Variants in SLC22A25 observed in about 807,000 individuals in gnomAD.
SLC22A25 encodes the protein solute carrier family 22 member 25.
SLC22A25 carries 44 observed loss-of-function variants against 45.9 expected under a neutral mutation model. The observed-to-expected ratio is 0.96, with a 90% CI of 0.75 to 1.23. The LOEUF (loss-of-function observed/expected upper bound fraction) is 1.23, where lower values mean the gene tolerates loss of function less well. Among genes scored for constraint, SLC22A25 ranks in the 50% most tolerant of loss-of-function variants. The pLI, the probability that SLC22A25 is intolerant of heterozygous loss-of-function variation, is 0.00. For synonymous variants in SLC22A25, 283 were observed against 238.6 expected, an observed-to-expected ratio of 1.19 and a Z score of -1.72; for missense variants, 800 against 666.4, an observed-to-expected ratio of 1.20 and a Z score of -2.21.
chr11:63,161,487 C>G lies in SLC22A25; in HGVS notation c.*2337G>C, dbSNP rs1590760874. On this transcript the variant is annotated 3_prime_UTR_variant, in exon 12 of 12. Coordinates refer to ENST00000306494, the MANE Select transcript of SLC22A25 (RefSeq NM_199352.6). The stretch of plus-strand genomic sequence containing the variant: ...TGAATTGTAGCTCCCACAATTCCCA[C>G]ACATCATGGGAGGGATCCAGTGGGA... Among the ~76,000 whole-genome samples the G allele has an allele frequency of 6.6e-6, 1 of 152,138 alleles. No individual in the cohort carries two copies. Among genetic ancestry groups the G allele is most frequent in the African/African-American group, 2.4e-5 (1 of 41,446 alleles).
intron 7 of SLC22A25, among the ~76,000 whole-genome samples, chr11:63,200,728 A>G (rs1001200581): frequency 3.9e-5 from 6 of 152,138 alleles, no homozygotes; most frequent in Admixed American, 3.3e-4. Context: ...ATCCCTGTTC[A>G]TAGATGACAG....
At chr11:63,240,026 C>A (rs1406092624) in intron 1 of SLC22A25, among the ~76,000 whole-genome samples, 1 of 152,056 alleles carries the variant, frequency 6.6e-6, no homozygotes, top group Non-Finnish European at 1.5e-5. Context: ...TTACGCAAAC[C>A]TATATGGTGT....
chr11:63,199,173 A>T (rs975451573), intron 7 of SLC22A25, among the ~76,000 whole-genome samples: 2 of 152,078 alleles, frequency 1.3e-5, no homozygotes, highest in African/African-American at 4.8e-5. Context: ...AATAAAGAAG[A>T]AAAGAGAGAA....
intron 1 of SLC22A25, among the ~76,000 whole-genome samples, chr11:63,241,242 G>A (rs1004347743): frequency 6.6e-6 from 1 of 152,206 alleles, no homozygotes; most frequent in African/African-American, 2.4e-5. Context: ...ATTCCATGGG[G>A]AGATGTGAAC....
chr11:63,213,707 G>A (rs547568765), intron 7 of SLC22A25, among the ~76,000 whole-genome samples: 5 of 152,176 alleles, frequency 3.3e-5, no homozygotes, highest in Non-Finnish European at 7.3e-5. Flanking sequence ...CCGATTGGAA[G>A]GGCAGTGGGT....
At chr11:63,219,629 T>G (rs1026197523) in intron 5 of SLC22A25, among the ~76,000 whole-genome samples, 1 of 152,190 alleles carries the variant, frequency 6.6e-6, no homozygotes, top group African/African-American at 2.4e-5. Flanking sequence ...AAGTATCAAT[T>G]TGATCATGGC....
intron 7 of SLC22A25, among the ~76,000 whole-genome samples, chr11:63,198,314 G>T (rs1370040145): frequency 6.6e-6 from 1 of 152,118 alleles, no homozygotes; most frequent in African/African-American, 2.4e-5. Flanking sequence ...GCAAAGACTT[G>T]GAACCAACTC....
rs267603086 is a variant in SLC22A25, at chr11:63,166,205, C to G, written c.1124G>C (p.Gly375Ala). ...WGLTLHLQHL[G>A]NNVFLLQTLF... ...AGTCTGCAACAGGAAAACATTGTTT[C>G]CCAGATGCTGGAGGTGCAAAGTAAG... Residue 375 changes from glycine to alanine, a missense_variant, in exon 10 of 12, where the codon GGA becomes GCA. Coordinates refer to ENST00000306494, the MANE Select transcript of SLC22A25 (RefSeq NM_199352.6). 6.2e-7 allele frequency: 1 copy of G among 1,614,002 alleles called. No homozygotes were observed. The highest frequency in any genetic ancestry group is 2.2e-5 in the East Asian group (1 of 44,840).
At chr11:63,186,841 G>C (rs530293730) in intron 7 of SLC22A25, among the ~76,000 whole-genome samples, 2 of 152,240 alleles carry the variant, frequency 1.3e-5, no homozygotes, top group East Asian at 1.9e-4. Flanking sequence ...GTTTGTCAAA[G>C]ATCAGATAGT....
intron 7 of SLC22A25, among the ~76,000 whole-genome samples, chr11:63,190,612 G>A (rs2088770779): frequency 6.6e-6 from 1 of 152,084 alleles, no homozygotes; most frequent in South Asian, 2.1e-4. Flanking sequence ...TTTGGAGGAG[G>A]AGAGGCACTC....
At chr11:63,224,450 A>G (rs1195415869) in intron 5 of SLC22A25, among the ~76,000 whole-genome samples, 1 of 152,086 alleles carries the variant, frequency 6.6e-6, no homozygotes, top group Non-Finnish European at 1.5e-5. Flanking sequence ...ATAAGTAAGG[A>G]CTTACTCCTG....
intron 7 of SLC22A25, among the ~76,000 whole-genome samples, chr11:63,205,743 C>T (rs1329483667): frequency 2.0e-5 from 3 of 152,146 alleles, no homozygotes; most frequent in Non-Finnish European, 1.5e-5. Flanking sequence ...AAGTTGGTAC[C>T]CTTCCTTCTG....
intron 8 of SLC22A25, among the ~76,000 whole-genome samples, chr11:63,183,051 T>G (rs1008101592): frequency 1.3e-5 from 2 of 152,096 alleles, no homozygotes; most frequent in Non-Finnish European, 2.9e-5. Context: ...CTATAATTTT[T>G]TGATAAATAC....
In SLC22A25 at chr11:63,229,531, G is replaced by A; in HGVS notation, c.122C>T (p.Ala41Val). ...VYHQTQLENF[A>V]AFILDHRCWV... ...GCAGCGATGATCAAGTATGAATGCT[G>A]CGAAGTTCTCCAGCTGAGTTTGATG... The change falls in exon 4 of 12, where the codon GCA (alanine) becomes GTA (valine). Residue 41 changes from alanine to valine, a missense_variant. By Grantham distance (64) the Ala-to-Val change is moderately conservative. Transcript: ENST00000306494. The A allele has an allele frequency of 1.9e-6, 3 of 1,614,094 alleles. No homozygotes were observed. The highest frequency in any genetic ancestry group is 2.5e-6 in the Non-Finnish European group (3 of 1,179,982).
In SLC22A25 at chr11:63,161,296, A is replaced by G. The variant is rs2087531030; in HGVS notation, c.*2528T>C. 6.6e-6 allele frequency among the ~76,000 whole-genome samples: 1 copy of G among 152,208 alleles called. No individual in the cohort carries two copies. The highest frequency in any genetic ancestry group is 6.5e-5 in the Admixed American group (1 of 15,286). On this transcript the variant is annotated 3_prime_UTR_variant, in exon 12 of 12. Transcript: ENST00000306494. Reference sequence around the variant, plus strand: ...GTGGAAAGGACTTGCCTTGTCTCAGATGAGACTTTGGACTGTAGACTTTTG... The same window carrying G: ...GTGGAAAGGACTTGCCTTGTCTCAGGTGAGACTTTGGACTGTAGACTTTTG...
intron 7 of SLC22A25, among the ~76,000 whole-genome samples, chr11:63,212,144 C>T (rs1431185362): frequency 1.3e-5 from 2 of 151,886 alleles, no homozygotes; most frequent in Non-Finnish European, 2.9e-5. Context: ...GTTAGAATGG[C>T]GATCATTAAA....
chr11:63,202,513 T>A (rs2089278249), intron 7 of SLC22A25, among the ~76,000 whole-genome samples: 1 of 152,160 alleles, frequency 6.6e-6, no homozygotes, highest in Non-Finnish European at 1.5e-5. Context: ...GGTTTTCCCC[T>A]CACAGTGTAA....
intron 7 of SLC22A25, among the ~76,000 whole-genome samples, chr11:63,209,649 C>T (rs566768816): frequency 2.9e-4 from 44 of 152,264 alleles, no homozygotes; most frequent in African/African-American, 1.1e-3. Context: ...GGGGCAGACA[C>T]AAGGTGGCTC....
At position 63,224,991 on chromosome 11, in the gene SLC22A25, C is replaced by T. The variant is rs376607233; in HGVS notation, c.506+3470G>A. ...GCGGGCGCCTGTAGTCCCAGCTATT[C>T]GGGAGGCTGAGGCAGGAGAATGGCG... On this transcript the variant is annotated intron_variant, in intron 5 of 11. Transcript: ENST00000306494. Among the ~76,000 whole-genome samples the T allele has an allele frequency of 3.3e-4, 50 of 152,092 alleles. 3 individuals are homozygous for T. Among genetic ancestry groups the T allele is most frequent in the East Asian group, 2.3e-3 (12 of 5,176 alleles).
Sources: allele counts gnomAD v4.1 joint callset (sites outside exome capture counted in the v4.1 genomes callset), GRCh38; gene constraint gnomAD v4.1.1; transcripts MANE v1.5; gene names NCBI Gene and HGNC (gene_info 2026-07-23, HGNC 2026-07-21).